SNX29: variants seen among roughly 807,000 people sequenced by gnomAD.
SNX29 encodes the protein sorting nexin-29.
Under a neutral mutation model 102.1 loss-of-function variants are expected in SNX29, and 78 were observed. The observed-to-expected ratio is 0.76, with a 90% CI of 0.64 to 0.92. The LOEUF (loss-of-function observed/expected upper bound fraction) is 0.92. SNX29 is among the 40% of genes least tolerant of loss of function. The pLI, the probability that SNX29 is intolerant of heterozygous loss-of-function variation, is 0.00. For synonymous variants in SNX29, 580 were observed against 414.5 expected (o/e 1.40, Z -4.85); for missense variants, 1,280 against 1,061.7 (o/e 1.21, Z -2.86).
Position 12,511,973 on chromosome 16 carries a change from G to A in SNX29, c.2179-12729G>A, listed in dbSNP as rs542762076. Among the ~76,000 whole-genome samples, 270 of 152,098 alleles carry A rather than the reference G, an allele frequency of 1.8e-3. 2 individuals are homozygous for A. The highest frequency in any genetic ancestry group is 0.012 in the South Asian group (58 of 4,766). ...GACTCGGTTCACAGTAGCTGTGACC[G>A]TTCACTGAGGGGTGTGTGCTTTGTG... On this transcript the variant is annotated intron_variant, in intron 19 of 20. Transcript: ENST00000566228.
chr16:12,138,810 C>T (rs1415766053), intron 13 of SNX29, among the ~76,000 whole-genome samples: 1 of 152,046 alleles, frequency 6.6e-6, no homozygotes, highest in Non-Finnish European at 1.5e-5. Context: ...GCAAAAGGCA[C>T]CAGAGCTGCC....
At chr16:12,561,383 G>T (rs572514325) in intron 20 of SNX29, among the ~76,000 whole-genome samples, 6 of 152,112 alleles carry the variant, frequency 3.9e-5, no homozygotes, top group Admixed American at 1.3e-4. Flanking sequence ...GGAAGATGCT[G>T]GCCACATCCC....
chr16:12,157,607 T>C (rs1240798169), intron 13 of SNX29, among the ~76,000 whole-genome samples: 1 of 152,176 alleles, frequency 6.6e-6, no homozygotes, highest in African/African-American at 2.4e-5. Context: ...GAAACGTGGT[T>C]ATGAAGCAGG....
intron 16 of SNX29, among the ~76,000 whole-genome samples, chr16:12,364,342 G>C (rs1016793498): frequency 2.0e-5 from 3 of 151,974 alleles, no homozygotes; most frequent in African/African-American, 4.8e-5. Flanking sequence ...AACTTGGCCT[G>C]TGTATCCTTT....
chr16:12,354,260 T>G (rs1458969607), intron 15 of SNX29, among the ~76,000 whole-genome samples: 1 of 152,230 alleles, frequency 6.6e-6, no homozygotes, highest in Non-Finnish European at 1.5e-5. Context: ...GTTAGCTTAG[T>G]AACAATGAAC....
At chr16:12,411,824 A>G (rs1307257001) in intron 18 of SNX29, among the ~76,000 whole-genome samples, 1 of 152,166 alleles carries the variant, frequency 6.6e-6, no homozygotes, top group Non-Finnish European at 1.5e-5. Flanking sequence ...GACATATGAA[A>G]TGCTTGGGCC....
intron 2 of SNX29, chr16:12,000,202 T>A (rs929542684): frequency 6.5e-6 from 1 of 153,324 alleles, no homozygotes; most frequent in African/African-American, 2.4e-5. Flanking sequence ...GCTTGCCGCA[T>A]GTACCAGATG....
intron 20 of SNX29, among the ~76,000 whole-genome samples, chr16:12,554,130 G>T (rs1167464286): frequency 6.6e-6 from 1 of 152,204 alleles, no homozygotes; most frequent in African/African-American, 2.4e-5. Flanking sequence ...GCCCAGCCTG[G>T]ATGCTTTGCT....
chr16:11,979,211 A>G (rs1405285231), intron 1 of SNX29, among the ~76,000 whole-genome samples: 4 of 127,536 alleles, frequency 3.1e-5, no homozygotes, highest in Non-Finnish European at 6.3e-5. Context: ...GGAGGTGGAC[A>G]TTGCAGTGAG....
intron 4 of SNX29, among the ~76,000 whole-genome samples, chr16:12,041,643 C>G (rs1182401156): frequency 2.6e-5 from 4 of 152,112 alleles, no homozygotes; most frequent in African/African-American, 9.7e-5. Flanking sequence ...TATGGCTGCC[C>G]CATTCTAGTC....
chr16:12,572,890 C>G lies in SNX29; in HGVS notation c.*4261C>G, dbSNP rs550495536. 2 of 1,048,490 alleles carry G rather than the reference C, an allele frequency of 1.9e-6. No individual in the cohort carries two copies. Among genetic ancestry groups the G allele is most frequent in the Admixed American group, 1.1e-4 (2 of 18,644 alleles). 64.9% of individuals were successfully genotyped at this position (1,048,490 alleles called of 1,614,324 possible). A position where few individuals can be genotyped will look rare whatever the true frequency, so the allele number is the denominator to read the frequency against. On this transcript the variant is annotated 3_prime_UTR_variant, in exon 21 of 21. Coordinates refer to ENST00000566228, the MANE Select transcript of SNX29 (RefSeq NM_032167.5). ...AATGATTGTCTTGACTCTGCCTTGGCATTTCGCTCGGAATCACGGCAGACT... is the reference window on the plus strand; with the variant it reads ...AATGATTGTCTTGACTCTGCCTTGGGATTTCGCTCGGAATCACGGCAGACT...
intron 19 of SNX29, among the ~76,000 whole-genome samples, chr16:12,499,192 G>A (rs2088984040): frequency 6.6e-6 from 1 of 152,174 alleles, no homozygotes; most frequent in Admixed American, 6.5e-5. Context: ...TAAAAAATGT[G>A]TTTGCTCTCT....
At chr16:12,561,817 C>G (rs1449236383) in intron 20 of SNX29, among the ~76,000 whole-genome samples, 1 of 152,094 alleles carries the variant, frequency 6.6e-6, no homozygotes, top group African/African-American at 2.4e-5. Context: ...ATTACCGCAG[C>G]TTACATCCTT....
chr16:12,396,175 A>G (rs2151485740), intron 16 of SNX29, among the ~76,000 whole-genome samples: 1 of 152,330 alleles, frequency 6.6e-6, no homozygotes, highest in African/African-American at 2.4e-5. Flanking sequence ...CTCAGGGGAA[A>G]CTTACCTACC....
At chr16:12,524,625 G>C in intron 19 of SNX29, 77 bp from the exon 20 acceptor site, 1 of 1,513,182 alleles carries the variant, frequency 6.6e-7, no homozygotes, top group South Asian at 1.3e-5. Flanking sequence ...GCTGATGGGT[G>C]ATCGCCTGTT....
Position 12,013,935 on chromosome 16 carries a change from G to C in SNX29, c.122+10892G>C, listed in dbSNP as rs555228433. On this transcript the variant is annotated intron_variant, in intron 3 of 20. Coordinates refer to ENST00000566228, the MANE Select transcript of SNX29 (RefSeq NM_032167.5). ...CAAAGTGCTAGGATTACAGGCATAA[G>C]CCACCGTGCCTGGCCTTTATTTTTA... is the stretch of plus-strand genomic sequence containing the variant. Among the ~76,000 whole-genome samples the C allele has an allele frequency of 2.0e-5, 3 of 152,016 alleles. No homozygotes were observed. The South Asian group carries it at 6.2e-4, about 32-fold the overall frequency.
intron 15 of SNX29, among the ~76,000 whole-genome samples, chr16:12,281,639 C>T (rs984461041): frequency 6.6e-6 from 1 of 152,190 alleles, no homozygotes; most frequent in Non-Finnish European, 1.5e-5. Flanking sequence ...GATCCAGGCA[C>T]TGTGCTGGGG....
intron 3 of SNX29, among the ~76,000 whole-genome samples, chr16:12,021,425 CA>C (rs35268435): frequency 0.42 from 61,593 of 146,252 alleles, 13,295 homozygotes; most frequent in Non-Finnish European, 0.49. Flanking sequence ...GACTCTGACT[CA>C]AAAAAAAAAA....
At chr16:12,559,056 A>ATG (rs1421823370) in intron 20 of SNX29, among the ~76,000 whole-genome samples, 1 of 152,150 alleles carries the variant, frequency 6.6e-6, no homozygotes, top group African/African-American at 2.4e-5. Flanking sequence ...CGTAACTGCA[A>ATG]TGTAGAGGTC....
Sources: allele counts gnomAD v4.1 joint callset (sites outside exome capture counted in the v4.1 genomes callset), GRCh38; gene constraint gnomAD v4.1.1; transcripts MANE v1.5; gene names NCBI Gene and HGNC (gene_info 2026-07-23, HGNC 2026-07-21).